Variants in ATF7IP2 observed in about 807,000 individuals in gnomAD.
ATF7IP2 encodes activating transcription factor 7-interacting protein 2.
Under a neutral mutation model 64.2 loss-of-function variants are expected in ATF7IP2, and 42 were observed. The observed-to-expected ratio is 0.65, with a 90% CI of 0.51 to 0.85. The LOEUF is 0.85. Ranked by LOEUF, ATF7IP2 falls within the 40% of genes least tolerant of loss-of-function variation. The pLI, the probability that ATF7IP2 is intolerant of heterozygous loss-of-function variation, is 0.00. For synonymous variants in ATF7IP2, 308 were observed against 272.8 expected (o/e 1.13, Z -1.27); for missense variants, 933 against 784.2 (o/e 1.19, Z -2.27).
At chr16:10,450,758 C>G (rs1454782375) in intron 8 of ATF7IP2, among the ~76,000 whole-genome samples, 7 of 152,096 alleles carry the variant, frequency 4.6e-5, no homozygotes, top group Non-Finnish European at 1.0e-4. Flanking sequence ...TGGGTCTTGA[C>G]TCTTTATCCA....
chr16:10,438,335 T>A, intron 7 of ATF7IP2, 100 bp downstream of exon 7: 1 of 1,259,828 alleles, frequency 7.9e-7, no homozygotes, highest in South Asian at 1.8e-5. Context: ...GCCTCTGCCT[T>A]CTGAGCTCAA....
At position 10,478,526 on chromosome 16, in the gene ATF7IP2, C is replaced by T. The variant is rs540367368; in HGVS notation, c.1550-2353C>T. 9.9e-5 allele frequency among the ~76,000 whole-genome samples: 15 copies of T among 152,208 alleles called. 1 individual carries two copies. The East Asian group carries it at 1.5e-3, about 16-fold the overall frequency. On this transcript the variant is annotated intron_variant, in intron 12 of 13. Coordinates refer to ENST00000562102, the MANE Select transcript of ATF7IP2 (RefSeq NM_001393719.1). ...ATTCAAGATGGATTAAAGACTTAAA[C>T]GTTAGACCTAAAACCATAAAAACCC...
chr16:10,435,924 G>A (rs552190438), intron 6 of ATF7IP2, among the ~76,000 whole-genome samples: 20 of 152,236 alleles, frequency 1.3e-4, no homozygotes, highest in African/African-American at 4.8e-4. Context: ...ACAAAACAGT[G>A]TTTCCACGTT....
chr16:10,478,057 T>C (rs1315251397), intron 12 of ATF7IP2, among the ~76,000 whole-genome samples: 1 of 151,100 alleles, frequency 6.6e-6, no homozygotes, highest in Non-Finnish European at 1.5e-5. Flanking sequence ...AGAATCAATA[T>C]CATGAAAATG....
At chr16:10,452,697 A>G (rs918171591) in intron 8 of ATF7IP2, among the ~76,000 whole-genome samples, 3 of 152,066 alleles carry the variant, frequency 2.0e-5, no homozygotes, top group African/African-American at 7.2e-5. Flanking sequence ...ATTTAAGTCT[A>G]CTGAAGCCCT....
intron 1 of ATF7IP2, among the ~76,000 whole-genome samples, chr16:10,393,274 C>G (rs1198205174): frequency 2.1e-5 from 3 of 143,448 alleles, no homozygotes; most frequent in African/African-American, 8.0e-5. Flanking sequence ...TGCCTCAATG[C>G]CAGTGCACTC....
intron 7 of ATF7IP2, among the ~76,000 whole-genome samples, chr16:10,440,058 G>A (rs1390248096): frequency 6.6e-6 from 1 of 152,012 alleles, no homozygotes; most frequent in African/African-American, 2.4e-5. Context: ...TACTTGGGAG[G>A]CTGAGGCAGG....
At chr16:10,403,233 C>T (rs2047569986) in intron 1 of ATF7IP2, among the ~76,000 whole-genome samples, 2 of 152,132 alleles carry the variant, frequency 1.3e-5, no homozygotes, top group Admixed American at 6.6e-5. Context: ...ACATATGCAC[C>T]AGGCTCAGGA....
At chr16:10,430,348 T>C (rs2048202898) in intron 4 of ATF7IP2, among the ~76,000 whole-genome samples, 2 of 152,196 alleles carry the variant, frequency 1.3e-5, no homozygotes, top group Admixed American at 1.3e-4. Context: ...TAACAAGAAG[T>C]GGCTAGATAA....
At chr16:10,473,426 C>T (rs1384137964) in intron 10 of ATF7IP2, 53 bp from the exon 11 acceptor site, 1 of 1,120,352 alleles carries the variant, frequency 8.9e-7, no homozygotes, top group Admixed American at 1.9e-5. Flanking sequence ...TCATATTTCA[C>T]AAAGCCCATA....
chr16:10,453,744 A>C (rs1413221129), intron 8 of ATF7IP2, among the ~76,000 whole-genome samples: 2 of 152,044 alleles, frequency 1.3e-5, no homozygotes, highest in East Asian at 3.9e-4. Context: ...CAGCCTCCCG[A>C]GTAGCTGGGA....
At chr16:10,396,517 A>G (rs986879625) in intron 1 of ATF7IP2, among the ~76,000 whole-genome samples, 3 of 152,028 alleles carry the variant, frequency 2.0e-5, no homozygotes, top group African/African-American at 7.2e-5. Flanking sequence ...TGGGTCTTAC[A>G]TATAAGTTTG....
chr16:10,388,711 A>G (rs2047257883), intron 1 of ATF7IP2, among the ~76,000 whole-genome samples: 1 of 152,222 alleles, frequency 6.6e-6, no homozygotes, highest in African/African-American at 2.4e-5. Context: ...GTCACTGAAG[A>G]TATAAAAAAT....
Position 10,482,245 on chromosome 16 carries a change from C to G in ATF7IP2, c.2045C>G (p.Thr682Arg). 6.4e-7 allele frequency: 1 copy of G among 1,572,430 alleles called. No individual in the cohort carries two copies. The highest frequency in any genetic ancestry group is 8.6e-7 in the Non-Finnish European group (1 of 1,160,322). ...ATCCCTGGGTTTTCTGAAAATCTTA[C>G]GTAAAAGGTGTTTAATAATGATATA... is the stretch of plus-strand genomic sequence containing the variant. Reference protein sequence around the residue: ...KSIPGFSENLT With the variant: ...KSIPGFSENLR The change falls in exon 14 of 14, where the codon ACG becomes AGG. Residue 682 changes from threonine to arginine, a missense_variant. Thr to Arg is a moderately conservative substitution (Grantham distance 71). Coordinates refer to ENST00000562102, the MANE Select transcript of ATF7IP2 (RefSeq NM_001393719.1).
At chr16:10,395,486 A>C (rs2047404089) in intron 1 of ATF7IP2, among the ~76,000 whole-genome samples, 1 of 152,192 alleles carries the variant, frequency 6.6e-6, no homozygotes, top group Non-Finnish European at 1.5e-5. Context: ...CCAATACTAT[A>C]GGAAAAGAAA....
At chr16:10,456,746 A>AT (rs1359294569) in intron 8 of ATF7IP2, among the ~76,000 whole-genome samples, 1 of 152,130 alleles carries the variant, frequency 6.6e-6, no homozygotes, top group African/African-American at 2.4e-5. Flanking sequence ...GCTGTGGTGA[A>AT]TTGGGCCCCC....
intron 8 of ATF7IP2, among the ~76,000 whole-genome samples, chr16:10,443,919 C>T (rs1054974846): frequency 5.3e-5 from 8 of 152,144 alleles, no homozygotes; most frequent in Admixed American, 5.2e-4. Context: ...TAGGGCGGCA[C>T]AGGGACCTTC....
intron 8 of ATF7IP2, among the ~76,000 whole-genome samples, chr16:10,455,392 G>T (rs571059440): frequency 5.3e-5 from 8 of 152,298 alleles, no homozygotes; most frequent in African/African-American, 1.9e-4. Context: ...CAGAAACGCA[G>T]GCAGCCTCCA....
chr16:10,396,558 T>C (rs2047422584), intron 1 of ATF7IP2, among the ~76,000 whole-genome samples: 1 of 152,176 alleles, frequency 6.6e-6, no homozygotes. Context: ...AATCTTGCTC[T>C]GTGGCCCAGG....
Sources: allele counts gnomAD v4.1 joint callset (sites outside exome capture counted in the v4.1 genomes callset), GRCh38; gene constraint gnomAD v4.1.1; transcripts MANE v1.5; gene names NCBI Gene and HGNC (gene_info 2026-07-23, HGNC 2026-07-21).